ZNF701: variants seen among roughly 807,000 people sequenced by gnomAD.
The protein encoded by ZNF701 is zinc finger protein 701.
A neutral mutation model predicts 7.1 loss-of-function variants in ZNF701; 6 were observed. That is an observed-to-expected ratio of 0.84 (90% CI 0.46 to 1.66). The LOEUF (loss-of-function observed/expected upper bound fraction) is 1.66, where lower values mean the gene tolerates loss of function less well. Among genes scored for constraint, ZNF701 ranks in the 40% most tolerant of loss-of-function variants. ZNF701 has a pLI of 0.01. For missense variants in ZNF701, 541 were observed against 559.2 expected (o/e 0.97, Z 0.33); for synonymous variants, 166 against 188.2 (o/e 0.88, Z 0.97).
downstream of ZNF701, among the ~76,000 whole-genome samples, chr19:52,587,631 C>G (rs1035693253): frequency 6.6e-6 from 1 of 152,204 alleles, no homozygotes; most frequent in Admixed American, 6.6e-5. Context: ...GCTCCTTCAC[C>G]GTTCACTGGA....
chr19:52,577,209 T>C (rs1257395012), intron 3 of ZNF701, among the ~76,000 whole-genome samples: 2 of 152,150 alleles, frequency 1.3e-5, no homozygotes, highest in African/African-American at 4.8e-5. Flanking sequence ...AAAGGATTTT[T>C]GTGTCCCAGC....
intron 3 of ZNF701, among the ~76,000 whole-genome samples, chr19:52,577,861 C>T (rs2059945868): frequency 6.6e-6 from 1 of 152,140 alleles, no homozygotes; most frequent in Non-Finnish European, 1.5e-5. Flanking sequence ...GGTCATGCTC[C>T]TTGTCTACTT....
chr19:52,580,004 C>T lies in ZNF701; in HGVS notation c.143-2198C>T, dbSNP rs541097510. 2.8e-5 allele frequency among the ~76,000 whole-genome samples: 4 copies of T among 143,026 alleles called. 1 individual carries two copies. The highest frequency in any genetic ancestry group is 4.2e-4 in the South Asian group (2 of 4,790). 93.8% of individuals were successfully genotyped at this position (143,026 alleles called of 152,430 possible). A position where few individuals can be genotyped will look rare whatever the true frequency, so the allele number is the denominator to read the frequency against. The stretch of plus-strand genomic sequence containing the variant: ...TAGCCCAGGCTGGAGTGCAGTGGCA[C>T]GATCTCAGCTCACTGCAAGCTCCAC... On this transcript the variant is annotated intron_variant, in intron 3 of 3. Transcript: ENST00000391785.
At chr19:52,596,028 C>T in the ZNF701 span, 2 of 1,501,534 alleles carry the variant, frequency 1.3e-6, no homozygotes, top group South Asian at 2.3e-5. Context: ...AGGCTCAAAA[C>T]CCATATTTCT....
chr19:52,592,286 C>T, the ZNF701 span: 1 of 1,481,726 alleles, frequency 6.7e-7, no homozygotes, highest in Non-Finnish European at 9.2e-7. Flanking sequence ...TTGGCTCTTC[C>T]TGGTTTTGTA....
the ZNF701 span, chr19:52,596,021 C>A: frequency 2.0e-6 from 3 of 1,523,144 alleles, no homozygotes; most frequent in East Asian, 6.8e-5. Flanking sequence ...AATTTGTAGG[C>A]TCAAAACCCA....
At chr19:52,596,737 A>G in the ZNF701 span, 2 of 510,646 alleles carry the variant, frequency 3.9e-6, no homozygotes, top group Non-Finnish European at 8.1e-6. Context: ...CTCAAAATTC[A>G]GCCCTTGTAA....
downstream of ZNF701, among the ~76,000 whole-genome samples, chr19:52,587,462 A>G (rs185386440): frequency 3.2e-4 from 49 of 152,188 alleles, 2 homozygotes; most frequent in East Asian, 8.9e-3. Flanking sequence ...TGGCCCCTCA[A>G]CTGCAAGTGA....
In ZNF701 at chr19:52,584,677, A is replaced by C. The variant is rs538512096; in HGVS notation, c.*1220A>C. ...TTTATTCCTAAGTATTTCTTACTTT[A>C]AGATCTCTAGCAAATGGAAGTGTTT... On this transcript the variant is annotated 3_prime_UTR_variant, in exon 4 of 4. Transcript: ENST00000391785. The C allele has an allele frequency of 1.3e-5, 2 of 152,344 alleles. No homozygotes were observed. Among genetic ancestry groups the C allele is most frequent in the East Asian group, 1.9e-4 (1 of 5,192 alleles). 9.4% of individuals were successfully genotyped at this position (152,344 alleles called of 1,614,324 possible). A position where few individuals can be genotyped will look rare whatever the true frequency, so the allele number is the denominator to read the frequency against.
rs1379011622 is a variant in ZNF701, at chr19:52,585,145, C to G, written c.*1688C>G. The G allele has an allele frequency of 6.6e-6, 1 of 152,312 alleles. No homozygotes were observed. The highest frequency in any genetic ancestry group is 2.4e-5 in the African/African-American group (1 of 41,472). The allele number at this position is 152,312 out of a possible 1,614,324, so 9.4% of individuals were successfully genotyped here. ...GCCCTGAGGCTGGTCCCGTCCCGGTCTTTTCTGCAGTAGGGCCGTGCAGAC... is the reference window on the plus strand; with the variant it reads ...GCCCTGAGGCTGGTCCCGTCCCGGTGTTTTCTGCAGTAGGGCCGTGCAGAC... On this transcript the variant is annotated 3_prime_UTR_variant, in exon 4 of 4. Transcript: ENST00000391785.
rs1213150252 is a variant in ZNF701 at position 52,585,318 on chromosome 19, G to A, written c.*1861G>A. The stretch of plus-strand genomic sequence containing the variant: ...GGCAGCGCTGCAGCCCCACTCCCGG[G>A]AAGGCCGCGTCCTCTGCCTGGTCCT... On this transcript the variant is annotated 3_prime_UTR_variant, in exon 4 of 4. Coordinates refer to ENST00000391785, the MANE Select transcript of ZNF701 (RefSeq NM_018260.3). The A allele has an allele frequency of 6.6e-6, 1 of 152,372 alleles. No individual in the cohort carries two copies. The highest frequency in any genetic ancestry group is 1.9e-4 in the East Asian group (1 of 5,172). 9.4% of individuals were successfully genotyped at this position (152,372 alleles called of 1,614,324 possible).
At chr19:52,572,382 T>C in intron 1 of ZNF701, 1 of 1,288,756 alleles carries the variant, frequency 7.8e-7, no homozygotes, top group South Asian at 1.2e-5. Flanking sequence ...ACTAGCTGTG[T>C]CTTTGTACAT....
intron 3 of ZNF701, 43 bp from the exon 4 acceptor site, chr19:52,582,159 T>A: frequency 6.7e-7 from 1 of 1,496,898 alleles, no homozygotes. Context: ...ATTGTATAAC[T>A]TCCGTACTTA....
chr19:52,589,131 C>G (rs979757478), downstream of ZNF701, among the ~76,000 whole-genome samples: 1 of 152,172 alleles, frequency 6.6e-6, no homozygotes, highest in Non-Finnish European at 1.5e-5. Flanking sequence ...TGGGAAGATT[C>G]CATCCAGACC....
chr19:52,591,982 C>CTG, downstream of ZNF701: 1 of 518,374 alleles, frequency 1.9e-6, no homozygotes, highest in South Asian at 2.9e-5. Context: ...TACCTTAATG[C>CTG]GGCTTTGTCA....
the ZNF701 span, among the ~76,000 whole-genome samples, chr19:52,592,763 T>C: frequency 8.2e-6 from 1 of 121,926 alleles, no homozygotes; most frequent in Non-Finnish European, 1.8e-5. Flanking sequence ...GCTAATTTTG[T>C]ATTTTTTTTA....
Position 52,579,154 on chromosome 19 carries a change from A to G in ZNF701, c.143-3048A>G, listed in dbSNP as rs1283646427. ...GTTACCAGAAATGCAACATACACAG[A>G]AATAATTCCGACAAAAATAAAAAAA... On this transcript the variant is annotated intron_variant, in intron 3 of 3. Transcript: ENST00000391785. 2.1e-5 allele frequency among the ~76,000 whole-genome samples: 3 copies of G among 144,122 alleles called. 1 individual carries two copies. Among genetic ancestry groups the G allele is most frequent in the African/African-American group, 8.8e-5 (3 of 34,050 alleles). The allele number at this position is 144,122 out of a possible 152,430, so 94.5% of individuals were successfully genotyped here. A position where few individuals can be genotyped will look rare whatever the true frequency, so the allele number is the denominator to read the frequency against.
chr19:52,572,359 T>C, intron 1 of ZNF701: 1 of 1,288,904 alleles, frequency 7.8e-7, no homozygotes. Flanking sequence ...TCAGCCTCCC[T>C]GTTTTGAAGG....
intron 3 of ZNF701, among the ~76,000 whole-genome samples, chr19:52,579,771 G>A (rs1355656207): frequency 1.4e-5 from 2 of 139,352 alleles, no homozygotes; most frequent in African/African-American, 6.5e-5. Context: ...CTACTCAGGA[G>A]GCTGAGGCAC....
Sources: allele counts gnomAD v4.1 joint callset (sites outside exome capture counted in the v4.1 genomes callset), GRCh38; gene constraint gnomAD v4.1.1; transcripts MANE v1.5; gene names NCBI Gene and HGNC (gene_info 2026-07-23, HGNC 2026-07-21).